Variants in FAM177A1 observed in about 807,000 individuals in gnomAD.
FAM177A1 encodes family with sequence similarity 177 member A1.
In FAM177A1, 22 loss-of-function variants were observed where a neutral mutation model predicts 26.1. The observed-to-expected ratio is 0.84, with a 90% CI of 0.60 to 1.20. The LOEUF is 1.20. Among genes scored for constraint, FAM177A1 ranks in the 50% most tolerant of loss-of-function variants. FAM177A1 has a pLI of 0.00. For synonymous variants in FAM177A1, 95 were observed against 99.3 expected (o/e 0.96, Z 0.26); for missense variants, 296 against 291.1 (o/e 1.02, Z -0.12).
rs2045477595 is a variant in FAM177A1 at position 35,081,143 on chromosome 14, C to T, written c.626C>T (p.Ser209Leu). 2 of 1,613,418 alleles carry T rather than the reference C, an allele frequency of 1.2e-6. No individual in the cohort carries two copies. Among genetic ancestry groups the T allele is most frequent in the Non-Finnish European group, 1.7e-6 (2 of 1,179,828 alleles). ...CAACCAGAGACAGTGATATCCAGCT[C>T]ATTTGTGAATGTCAATTTTGAAATG... Reference protein sequence around the residue: ...TDQPETVISSSFVNVNFEMEG... With the variant: ...TDQPETVISSLFVNVNFEMEG... The change falls in exon 5 of 5, where the codon TCA becomes TTA. Residue 209 changes from serine (S) to leucine (L), a missense_variant. Physicochemically the swap from Ser to Leu is moderately radical, Grantham distance 145 (BLOSUM62 -2). Transcript: ENST00000280987.
chr14:35,059,191 C>T (rs749314175), intron 2 of FAM177A1, among the ~76,000 whole-genome samples: 4 of 152,276 alleles, frequency 2.6e-5, no homozygotes, highest in African/African-American at 4.8e-5. Context: ...TCCCAAAATG[C>T]TGGGATTATA....
chr14:35,068,770 T>C (rs2045275293), intron 2 of FAM177A1, among the ~76,000 whole-genome samples: 1 of 152,216 alleles, frequency 6.6e-6, no homozygotes, highest in Non-Finnish European at 1.5e-5. Context: ...CAGAACTTCA[T>C]TGGCTTACAG....
chr14:35,058,140 T>A (rs28884824), intron 2 of FAM177A1, among the ~76,000 whole-genome samples: 2,196 of 152,032 alleles, frequency 0.014, 41 homozygotes, highest in African/African-American at 0.047. Flanking sequence ...GTGACACGAT[T>A]TCAGCTCACT....
At chr14:35,073,613 C>G (rs1392471587) in intron 2 of FAM177A1, among the ~76,000 whole-genome samples, 2 of 152,172 alleles carry the variant, frequency 1.3e-5, no homozygotes, top group African/African-American at 4.8e-5. Flanking sequence ...ACTTCAGGGA[C>G]AAAGCATTGA....
chr14:35,080,962 A>C, intron 4 of FAM177A1, 60 bp from the exon 5 acceptor site: 1 of 1,450,054 alleles, frequency 6.9e-7, no homozygotes, highest in Admixed American at 2.8e-5. Context: ...GGAAAACAGC[A>C]CTATATACCT....
intron 2 of FAM177A1, among the ~76,000 whole-genome samples, chr14:35,062,605 A>T (rs141398688): frequency 7.4e-4 from 113 of 152,222 alleles, no homozygotes; most frequent in African/African-American, 2.6e-3. Context: ...GTTTTTAAAG[A>T]TTAAATGAGA....
intron 3 of FAM177A1, among the ~76,000 whole-genome samples, chr14:35,077,940 A>C (rs1455147957): frequency 6.6e-6 from 1 of 152,180 alleles, no homozygotes; most frequent in Non-Finnish European, 1.5e-5. Flanking sequence ...TTAAATTGAG[A>C]TGTGACTAAG....
At chr14:35,048,659 A>G (rs1310556549) in intron 1 of FAM177A1, among the ~76,000 whole-genome samples, 1 of 151,802 alleles carries the variant, frequency 6.6e-6, no homozygotes, top group East Asian at 1.9e-4. Flanking sequence ...TCAGATTCAC[A>G]TTCCTGAATC....
At chr14:35,054,308 C>G (rs999904471) in intron 2 of FAM177A1, among the ~76,000 whole-genome samples, 6 of 152,124 alleles carry the variant, frequency 3.9e-5, no homozygotes, top group African/African-American at 1.4e-4. Context: ...TATCAACTAA[C>G]TTGGAGAATT....
intron 1 of FAM177A1, among the ~76,000 whole-genome samples, chr14:35,047,272 C>T (rs2044883099): frequency 6.6e-6 from 1 of 152,214 alleles, no homozygotes; most frequent in African/African-American, 2.4e-5. Flanking sequence ...AAAACAATTT[C>T]AACCTAAAAT....
At chr14:35,069,628 CTTAATG>C (rs1566673085) in intron 2 of FAM177A1, among the ~76,000 whole-genome samples, 1 of 152,118 alleles carries the variant, frequency 6.6e-6, no homozygotes. Context: ...CCTGGCTTCA[CTTAATG>C]TTAAGAGCAG....
Position 35,081,414 on chromosome 14 carries a change from T to C in FAM177A1, c.*186T>C, listed in dbSNP as rs936188753. On this transcript the variant is annotated 3_prime_UTR_variant, in exon 5 of 5. Coordinates refer to ENST00000280987, the MANE Select transcript of FAM177A1 (RefSeq NM_173607.5). ...GCAAAAGCCAGATCTGAAATTCAGA[T>C]ATTTGTACTGTTTTTACTGTGTATA... is the stretch of plus-strand genomic sequence containing the variant. 1 of 571,818 alleles carries C rather than the reference T, an allele frequency of 1.7e-6. No homozygotes were observed. The highest frequency in any genetic ancestry group is 1.9e-5 in the African/African-American group (1 of 52,260). The allele number at this position is 571,818 out of a possible 1,614,324, so 35.4% of individuals were successfully genotyped here. A position where few individuals can be genotyped will look rare whatever the true frequency, so the allele number is the denominator to read the frequency against.
chr14:35,071,924 CAT>C (rs776439813), intron 2 of FAM177A1, among the ~76,000 whole-genome samples: 186 of 152,290 alleles, frequency 1.2e-3, no homozygotes, highest in Middle Eastern at 3.4e-3. Context: ...TCAATTAACA[CAT>C]ATTTCTTATG....
In FAM177A1 at chr14:35,046,480, C is replaced by T. The variant is rs746682313; in HGVS notation, c.17C>T (p.Pro6Leu). The change falls in exon 1 of 5, where the codon CCG becomes CTG. Residue 6 changes from proline to leucine, a missense_variant. Pro to Leu is a moderately conservative substitution (Grantham distance 98). Transcript: ENST00000280987. ...AGACCAAGGATGGAAGTGGGCTTACCGGCCATTACCCTCTTTCTCACCAGC... is the reference window on the plus strand; with the variant it reads ...AGACCAAGGATGGAAGTGGGCTTACTGGCCATTACCCTCTTTCTCACCAGC... MEVGL[P>L]AITLFLTSAS... The T allele has an allele frequency of 1.3e-6, 2 of 1,590,496 alleles. No homozygotes were observed. The highest frequency in any genetic ancestry group is 2.3e-5 in the South Asian group (2 of 88,126).
In FAM177A1 at chr14:35,083,202, C is replaced by T. The variant is rs1430217805; in HGVS notation, c.*1974C>T. 1 of 152,520 alleles carries T rather than the reference C, an allele frequency of 6.6e-6. No individual in the cohort carries two copies. Among genetic ancestry groups the T allele is most frequent in the African/African-American group, 2.4e-5 (1 of 41,408 alleles). The allele number at this position is 152,520 out of a possible 1,614,324, so 9.4% of individuals were successfully genotyped here. Reference sequence around the variant, plus strand: ...AGAGGTACTAGTATCTAGAGTTTACCCAGAAAATTTTATGATTGTAACAAA... The same window carrying T: ...AGAGGTACTAGTATCTAGAGTTTACTCAGAAAATTTTATGATTGTAACAAA... On this transcript the variant is annotated 3_prime_UTR_variant, in exon 5 of 5. Transcript: ENST00000280987.
chr14:35,048,998 C>G (rs1472417167), intron 1 of FAM177A1, among the ~76,000 whole-genome samples: 3 of 151,632 alleles, frequency 2.0e-5, no homozygotes, highest in Non-Finnish European at 4.4e-5. Flanking sequence ...TCACGCAATT[C>G]TCTTGCCTCA....
At chr14:35,073,804 T>A (rs1481463819) in intron 2 of FAM177A1, among the ~76,000 whole-genome samples, 1 of 152,230 alleles carries the variant, frequency 6.6e-6, no homozygotes, top group African/African-American at 2.4e-5. Context: ...AGCCTATCCC[T>A]TTCTGCCTTG....
At chr14:35,054,576 A>G (rs1050346512) in intron 2 of FAM177A1, 33 of 152,206 alleles carry the variant, frequency 2.2e-4, no homozygotes, top group African/African-American at 8.0e-4. Context: ...GGCTATGAAA[A>G]GTGCTATAAA....
upstream of FAM177A1, among the ~76,000 whole-genome samples, chr14:35,045,452 G>A (rs897874966): frequency 3.9e-5 from 6 of 152,170 alleles, no homozygotes; most frequent in Non-Finnish European, 8.8e-5. Context: ...CTGTTGCTAT[G>A]ATGAAAAACA....
Sources: gnomAD v4.1 joint callset for allele counts (sites outside exome capture counted in the v4.1 genomes callset) on GRCh38, gnomAD v4.1.1 for gene constraint, MANE v1.5 for transcripts, NCBI Gene and HGNC (gene_info 2026-07-23, HGNC 2026-07-21) for gene names.